Variants in MCC observed in about 807,000 individuals in gnomAD.
MCC encodes MCC regulator of Wnt signaling pathway.
A neutral mutation model predicts 116.2 loss-of-function variants in MCC; 90 were observed. The observed-to-expected ratio is 0.77, with a 90% confidence interval of 0.65 to 0.92. The LOEUF (loss-of-function observed/expected upper bound fraction) is 0.92, where lower values mean the gene tolerates loss of function less well. Among genes scored for constraint, MCC ranks in the 40% least tolerant of loss-of-function variants. The pLI, the probability that MCC is intolerant of heterozygous loss-of-function variation, is 0.00. For missense variants in MCC, 1,516 were observed against 1,312.2 expected, an observed-to-expected ratio of 1.16 and a Z score of -2.40; for synonymous variants, 578 against 510.5, an observed-to-expected ratio of 1.13 and a Z score of -1.78.
intron 8 of MCC, 65 bp from the exon 9 acceptor site, chr5:113,085,375 T>A: frequency 2.7e-6 from 4 of 1,498,700 alleles, no homozygotes; most frequent in Non-Finnish European, 3.6e-6. Flanking sequence ...AACAGCCAGA[T>A]GGGTAGGTGG....
intron 15 of MCC, among the ~76,000 whole-genome samples, chr5:113,050,449 T>G (rs546414305): frequency 2.0e-5 from 3 of 152,134 alleles, no homozygotes; most frequent in South Asian, 4.2e-4. Context: ...CCTGGGTAAG[T>G]TGGACTAGGG....
chr5:113,488,342 T>TGCTGCC lies in MCC; in HGVS notation c.67_72dup (p.Gly23_Ser24dup), dbSNP rs1554087731. 3,916 of 1,530,916 alleles carry TGCTGCC rather than the reference T, an allele frequency of 2.6e-3. 20 individuals carry two copies. The highest frequency in any genetic ancestry group is 3.4e-3 in the African/African-American group (238 of 69,844). The allele number at this position is 1,530,916 out of a possible 1,614,324, so 94.8% of individuals were successfully genotyped here. A position where few individuals can be genotyped will look rare whatever the true frequency, so the allele number is the denominator to read the frequency against. On this transcript the variant is annotated inframe_insertion, in exon 1 of 19. Coordinates refer to ENST00000408903, the MANE Select transcript of MCC (RefSeq NM_001085377.2). ...CTGGACGTGTCGCTGCTGCTGCTGC[T>TGCTGCC]GCTGCCGCTGCCGCCGCCGCCGCCG... is the stretch of plus-strand genomic sequence containing the variant.
rs113840912 is a variant in MCC at position 113,429,413 on chromosome 5, C to T, written c.171-44201G>A. Among the ~76,000 whole-genome samples the T allele has an allele frequency of 2.6e-5, 4 of 152,218 alleles. 1 individual carries two copies. The highest frequency in any genetic ancestry group is 7.2e-5 in the African/African-American group (3 of 41,524). On this transcript the variant is annotated intron_variant, in intron 1 of 18. Coordinates refer to ENST00000408903, the MANE Select transcript of MCC (RefSeq NM_001085377.2). ...ATCTTGGATCTCCTAGCCTCCAGAA[C>T]CACGAAAAAATTAATTTCTATTATT...
At chr5:113,134,555 C>CTTTTTTTTTTTT in intron 5 of MCC, among the ~76,000 whole-genome samples, 3 of 30,126 alleles carry the variant, frequency 1.0e-4, no homozygotes, top group Non-Finnish European at 1.8e-4. Flanking sequence ...GCTATTTGGG[C>CTTTTTTTTTTTT]TTTTTTTTTT....
At chr5:113,416,444 A>G (rs1770151178) in intron 1 of MCC, among the ~76,000 whole-genome samples, 1 of 152,114 alleles carries the variant, frequency 6.6e-6, no homozygotes, top group Non-Finnish European at 1.5e-5. Flanking sequence ...AAAAAGTGGC[A>G]GGGGGAGCAG....
intron 2 of MCC, among the ~76,000 whole-genome samples, chr5:113,354,155 ACTAT>A (rs1477571278): frequency 2.0e-5 from 3 of 152,188 alleles, no homozygotes; most frequent in Admixed American, 2.0e-4. Flanking sequence ...ATCACTCAGC[ACTAT>A]CTGTCACTGT....
In MCC at chr5:113,459,430, C is replaced by T. The variant is rs113812220; in HGVS notation, c.170+28815G>A. Among the ~76,000 whole-genome samples, 274 of 151,594 alleles carry T rather than the reference C, an allele frequency of 1.8e-3. 2 individuals are homozygous for T. The highest frequency in any genetic ancestry group is 6.4e-3 in the African/African-American group (264 of 41,258). ...GTGGGTGCCTGTAGTCCCAGCTACT[C>T]GAGAGGCTGAGACAGGACAATGGCA... On this transcript the variant is annotated intron_variant, in intron 1 of 18. Coordinates refer to ENST00000408903, the MANE Select transcript of MCC (RefSeq NM_001085377.2).
At chr5:113,366,214 TGC>T (rs1443760128) in intron 2 of MCC, among the ~76,000 whole-genome samples, 2 of 152,228 alleles carry the variant, frequency 1.3e-5, no homozygotes, top group African/African-American at 4.8e-5. Context: ...TTTTTGAATC[TGC>T]TTTGTCTTTT....
At chr5:113,066,359 G>A (rs1753604187) in intron 13 of MCC, among the ~76,000 whole-genome samples, 1 of 152,132 alleles carries the variant, frequency 6.6e-6, no homozygotes, top group South Asian at 2.1e-4. Context: ...AGCAGGCCAA[G>A]ATCATTTTAG....
chr5:113,466,391 T>A (rs1486100635), intron 1 of MCC, among the ~76,000 whole-genome samples: 1 of 141,612 alleles, frequency 7.1e-6, no homozygotes, highest in African/African-American at 2.6e-5. Flanking sequence ...TGTCCATGTG[T>A]TCTCATTGTT....
chr5:113,169,905 C>T lies in MCC; in HGVS notation c.628-18483G>A, dbSNP rs528653985. Among the ~76,000 whole-genome samples, 5 of 152,290 alleles carry T rather than the reference C, an allele frequency of 3.3e-5. No homozygotes were observed. In the East Asian group the frequency reaches 9.6e-4, roughly 29 times the overall value. ...CAGCAAAGTGCACTGTTTGGGAGAT[C>T]GGCATAAATGATAACATTTCTATTC... On this transcript the variant is annotated intron_variant, in intron 3 of 18. Coordinates refer to ENST00000408903, the MANE Select transcript of MCC (RefSeq NM_001085377.2).
intron 2 of MCC, among the ~76,000 whole-genome samples, chr5:113,375,137 A>G (rs1175417426): frequency 1.3e-5 from 2 of 152,050 alleles, no homozygotes; most frequent in Non-Finnish European, 2.9e-5. Context: ...CAGGTTGAAT[A>G]CTTTCTATTG....
At chr5:113,268,196 C>T (rs1765485185) in intron 3 of MCC, among the ~76,000 whole-genome samples, 1 of 152,204 alleles carries the variant, frequency 6.6e-6, no homozygotes, top group African/African-American at 2.4e-5. Flanking sequence ...CGAAACTCTT[C>T]TTCCACAAAG....
chr5:113,201,447 C>T (rs1157960679), intron 3 of MCC, among the ~76,000 whole-genome samples: 1 of 151,808 alleles, frequency 6.6e-6, no homozygotes, highest in Non-Finnish European at 1.5e-5. Context: ...GGTATCCCAC[C>T]CTCCATAAAT....
intron 11 of MCC, among the ~76,000 whole-genome samples, chr5:113,076,428 C>T (rs904539089): frequency 2.6e-5 from 4 of 152,098 alleles, no homozygotes; most frequent in Admixed American, 6.5e-5. Flanking sequence ...GGGTTACCCA[C>T]AAAGGGAAGC....
chr5:113,178,215 G>A (rs914682237), intron 3 of MCC, among the ~76,000 whole-genome samples: 6 of 152,204 alleles, frequency 3.9e-5, no homozygotes, highest in African/African-American at 1.4e-4. Context: ...CACTTAGACA[G>A]TTAACAAAGA....
At chr5:113,415,091 G>A (rs556749101) in intron 1 of MCC, among the ~76,000 whole-genome samples, 11 of 152,198 alleles carry the variant, frequency 7.2e-5, no homozygotes, top group African/African-American at 2.4e-4. Flanking sequence ...GTTGAATATT[G>A]GCCCCCACTC....
At chr5:113,309,116 C>T (rs1266047632) in intron 3 of MCC, among the ~76,000 whole-genome samples, 1 of 152,176 alleles carries the variant, frequency 6.6e-6, no homozygotes, top group Non-Finnish European at 1.5e-5. Flanking sequence ...TACAGAATTT[C>T]CTAACAGAAT....
intron 1 of MCC, among the ~76,000 whole-genome samples, chr5:113,458,330 G>A (rs1172852290): frequency 1.4e-4 from 21 of 151,778 alleles, no homozygotes; most frequent in South Asian, 4.2e-4. Context: ...CTCCAGACGT[G>A]CCGCCTTAAG....
Sources: allele counts gnomAD v4.1 joint callset (sites outside exome capture counted in the v4.1 genomes callset), GRCh38; gene constraint gnomAD v4.1.1; transcripts MANE v1.5; gene names NCBI Gene and HGNC (gene_info 2026-07-23, HGNC 2026-07-21).